The following TMEM178B variants were observed in gnomAD, a reference collection of about 807,000 sequenced individuals.
The protein encoded by TMEM178B is transmembrane protein 178B.
TMEM178B carries 5 observed loss-of-function variants against 31.0 expected under a neutral mutation model. That is an observed-to-expected ratio of 0.16 (90% CI 0.08 to 0.34). TMEM178B has a LOEUF of 0.34. TMEM178B is among the 10% of genes least tolerant of loss of function. TMEM178B has a pLI of 1.00. For missense variants in TMEM178B, 275 were observed against 400.3 expected, an observed-to-expected ratio of 0.69 and a Z score of 2.67; for synonymous variants, 164 against 164.0, an observed-to-expected ratio of 1.00 and a Z score of 0.00.
At chr7:141,444,352 T>C (rs1438549488) in intron 3 of TMEM178B, among the ~76,000 whole-genome samples, 1 of 152,180 alleles carries the variant, frequency 6.6e-6, no homozygotes, top group Admixed American at 6.5e-5. Flanking sequence ...AACAAATATA[T>C]AGGAAAAGTG....
chr7:141,446,796 T>C (rs1801768122), intron 3 of TMEM178B, among the ~76,000 whole-genome samples: 1 of 152,164 alleles, frequency 6.6e-6, no homozygotes, highest in East Asian at 1.9e-4. Context: ...GCAGAGTTAA[T>C]ACATGTGAAG....
chr7:141,198,171 ACATT>A (rs1394320621), intron 1 of TMEM178B, among the ~76,000 whole-genome samples: 1 of 152,208 alleles, frequency 6.6e-6, no homozygotes, highest in Non-Finnish European at 1.5e-5. Context: ...CTGAAACTAA[ACATT>A]CATTCAGCTG....
intron 2 of TMEM178B, among the ~76,000 whole-genome samples, chr7:141,349,966 TCCATCCATC>T: frequency 8.8e-6 from 1 of 113,046 alleles, no homozygotes; most frequent in Non-Finnish European, 2.0e-5. Flanking sequence ...CATCCATCCA[TCCATCCATC>T]CATCCATCCA....
intron 1 of TMEM178B, among the ~76,000 whole-genome samples, chr7:141,196,891 A>G (rs1796791641): frequency 6.6e-6 from 1 of 152,146 alleles, no homozygotes; most frequent in Non-Finnish European, 1.5e-5. Flanking sequence ...GTTACAGTGT[A>G]ATGGGAGATG....
chr7:141,131,803 T>C (rs191821349), intron 1 of TMEM178B, among the ~76,000 whole-genome samples: 9 of 152,192 alleles, frequency 5.9e-5, no homozygotes, highest in African/African-American at 1.2e-4. Flanking sequence ...TCATTTCTCT[T>C]GGGTAAATTC....
chr7:141,238,559 A>G (rs1797566204), intron 2 of TMEM178B, among the ~76,000 whole-genome samples: 1 of 152,214 alleles, frequency 6.6e-6, no homozygotes, highest in African/African-American at 2.4e-5. Flanking sequence ...CAGGGAAGTA[A>G]TGCTTCAGAG....
intron 1 of TMEM178B, among the ~76,000 whole-genome samples, chr7:141,166,111 A>G (rs900382566): frequency 3.3e-5 from 5 of 152,242 alleles, no homozygotes; most frequent in African/African-American, 1.2e-4. Flanking sequence ...AACCAGCAGC[A>G]TTTGCCACAA....
intron 2 of TMEM178B, among the ~76,000 whole-genome samples, chr7:141,405,247 T>G (rs1370161468): frequency 1.3e-5 from 2 of 152,208 alleles, no homozygotes; most frequent in Admixed American, 6.5e-5. Context: ...CAATCGAGCT[T>G]TCAGATACCT....
At chr7:141,493,321 C>T in the TMEM178B span, among the ~76,000 whole-genome samples, 6 of 152,196 alleles carry the variant, frequency 3.9e-5, no homozygotes, top group South Asian at 2.1e-4. Flanking sequence ...CAGATGTGTG[C>T]GCACTTGTGT....
intron 2 of TMEM178B, among the ~76,000 whole-genome samples, chr7:141,392,526 G>A (rs184481672): frequency 1.3e-5 from 2 of 152,258 alleles, no homozygotes; most frequent in African/African-American, 4.8e-5. Context: ...GCATACATCA[G>A]CATACCTACA....
intron 1 of TMEM178B, among the ~76,000 whole-genome samples, chr7:141,083,911 C>T (rs958116387): frequency 1.5e-4 from 22 of 151,130 alleles, no homozygotes; most frequent in South Asian, 1.3e-3. Flanking sequence ...GACAGAGTCT[C>T]GCTCTTGTTG....
intron 2 of TMEM178B, among the ~76,000 whole-genome samples, chr7:141,277,271 A>G (rs1244622634): frequency 2.0e-5 from 3 of 152,156 alleles, no homozygotes; most frequent in East Asian, 3.8e-4. Context: ...TCCTTATTCT[A>G]TAAGCTTTAT....
intron 1 of TMEM178B, among the ~76,000 whole-genome samples, chr7:141,081,648 A>G (rs1449888490): frequency 1.3e-5 from 2 of 152,136 alleles, no homozygotes; most frequent in Admixed American, 1.3e-4. Context: ...AAAAAAAGAA[A>G]AAAAAAAAGA....
intron 2 of TMEM178B, among the ~76,000 whole-genome samples, chr7:141,322,912 A>G (rs1394242465): frequency 1.3e-5 from 2 of 152,092 alleles, no homozygotes; most frequent in Non-Finnish European, 2.9e-5. Flanking sequence ...TTAATTAGTG[A>G]GCTAGACTTC....
chr7:141,353,038 C>A (rs894729051), intron 2 of TMEM178B, among the ~76,000 whole-genome samples: 10 of 151,922 alleles, frequency 6.6e-5, no homozygotes, highest in Admixed American at 5.2e-4. Flanking sequence ...CCCCTACATT[C>A]AAACACAAAG....
chr7:141,194,167 C>G (rs1016123134), intron 1 of TMEM178B, among the ~76,000 whole-genome samples: 8 of 152,090 alleles, frequency 5.3e-5, no homozygotes, highest in Admixed American at 3.9e-4. Context: ...CCCCTGGCCT[C>G]TTCAAATCTC....
At chr7:141,372,630 T>C (rs973060350) in intron 2 of TMEM178B, among the ~76,000 whole-genome samples, 3 of 152,244 alleles carry the variant, frequency 2.0e-5, no homozygotes, top group Admixed American at 2.0e-4. Context: ...ATATGGGTTT[T>C]ATAAGGGACA....
chr7:141,501,847 G>GCT, the TMEM178B span, among the ~76,000 whole-genome samples: 2,634 of 148,750 alleles, frequency 0.018, 33 homozygotes, highest in African/African-American at 0.038. Context: ...AGTCTCTCAT[G>GCT]CTCTCTCTCT....
chr7:141,406,509 T>C (rs1586939810), intron 2 of TMEM178B, among the ~76,000 whole-genome samples: 1 of 152,246 alleles, frequency 6.6e-6, no homozygotes, highest in Non-Finnish European at 1.5e-5. Context: ...CTTGGAGAGC[T>C]GTGTCTATGT....
Sources: allele counts gnomAD v4.1 joint callset (sites outside exome capture counted in the v4.1 genomes callset), GRCh38; gene constraint gnomAD v4.1.1; transcripts MANE v1.5; gene names NCBI Gene and HGNC (gene_info 2026-07-23, HGNC 2026-07-21).